Variants in MYLK observed in about 807,000 individuals in gnomAD.
The protein encoded by MYLK is myosin light chain kinase, smooth muscle.
Under a neutral mutation model 203.4 loss-of-function variants are expected in MYLK, and 106 were observed. That is an observed-to-expected ratio of 0.52 (90% confidence interval 0.45 to 0.61). The LOEUF (loss-of-function observed/expected upper bound fraction) is 0.61. MYLK is among the 20% of genes least tolerant of loss of function. The probability of loss-of-function intolerance (pLI) is 0.00; values close to 1 mark genes in which losing one functional copy is unlikely to be tolerated. For missense variants in MYLK, 2,072 were observed against 2,442.3 expected (o/e 0.85, Z 3.20); for synonymous variants, 867 against 959.5 (o/e 0.90, Z 1.78).
chr3:123,852,110 G>A (rs1268659419), intron 2 of MYLK, among the ~76,000 whole-genome samples: 1 of 152,146 alleles, frequency 6.6e-6, no homozygotes, highest in Non-Finnish European at 1.5e-5. Flanking sequence ...TGATCATGGT[G>A]GATAAGCTTT....
intron 12 of MYLK, among the ~76,000 whole-genome samples, chr3:123,723,479 C>G (rs993296152): frequency 6.6e-6 from 1 of 152,234 alleles, no homozygotes; most frequent in Non-Finnish European, 1.5e-5. Flanking sequence ...CTCCAAACCT[C>G]TCTTCCTTGA....
At chr3:123,694,248 C>T (rs535000066) in intron 18 of MYLK, among the ~76,000 whole-genome samples, 12 of 152,318 alleles carry the variant, frequency 7.9e-5, no homozygotes, top group Non-Finnish European at 1.6e-4. Context: ...TCCCCACTTC[C>T]TATACCCTTA....
At chr3:123,839,180 A>C (rs2066537353) in intron 2 of MYLK, among the ~76,000 whole-genome samples, 1 of 152,166 alleles carries the variant, frequency 6.6e-6, no homozygotes, top group East Asian at 1.9e-4. Context: ...AAGATGAAAC[A>C]AAAAATATTT....
At chr3:123,637,271 C>A (rs1440759007) in intron 29 of MYLK, among the ~76,000 whole-genome samples, 2 of 152,200 alleles carry the variant, frequency 1.3e-5, no homozygotes, top group Non-Finnish European at 2.9e-5. Context: ...ACCCCACCGA[C>A]AGAGTGTTCT....
At chr3:123,812,998 T>C (rs1173643009) in intron 3 of MYLK, among the ~76,000 whole-genome samples, 1 of 152,100 alleles carries the variant, frequency 6.6e-6, no homozygotes, top group East Asian at 1.9e-4. Flanking sequence ...ATGGTCAACT[T>C]GGCAGTCTGC....
intron 2 of MYLK, among the ~76,000 whole-genome samples, chr3:123,850,462 T>A (rs1405947333): frequency 2.0e-5 from 3 of 152,244 alleles, no homozygotes; most frequent in South Asian, 2.1e-4. Flanking sequence ...GGTATCTCAT[T>A]GCGGTTTTGA....
chr3:123,692,281 A>C (rs1576577856), intron 19 of MYLK: 3 of 1,097,376 alleles, frequency 2.7e-6, no homozygotes, highest in Non-Finnish European at 3.4e-6. Flanking sequence ...GCCCCGACTC[A>C]CCTCCTCTAG....
At chr3:123,708,289 A>G (rs1193623020) in intron 15 of MYLK, among the ~76,000 whole-genome samples, 2 of 152,212 alleles carry the variant, frequency 1.3e-5, no homozygotes, top group Non-Finnish European at 2.9e-5. Flanking sequence ...TCTGTATCCA[A>G]TGCGTGTGAT....
chr3:123,858,661 A>T (rs1193243337), intron 2 of MYLK, among the ~76,000 whole-genome samples: 1 of 152,114 alleles, frequency 6.6e-6, no homozygotes, highest in Non-Finnish European at 1.5e-5. Context: ...GAATGGATTA[A>T]TCTATTCATT....
At chr3:123,738,779 C>A (rs190982685) in intron 7 of MYLK, 118 bp downstream of exon 7, 60 of 1,346,450 alleles carry the variant, frequency 4.5e-5, no homozygotes, top group Non-Finnish European at 6.0e-5. Flanking sequence ...CCATGTGGAA[C>A]GGTGAGTCCA....
intron 3 of MYLK, among the ~76,000 whole-genome samples, chr3:123,796,753 A>G (rs747138940): frequency 4.6e-5 from 7 of 152,236 alleles, no homozygotes; most frequent in African/African-American, 7.2e-5. Context: ...TGACATTTAA[A>G]AAGAAACATA....
At chr3:123,767,606 C>CAAAACA (rs778969933) in intron 4 of MYLK, among the ~76,000 whole-genome samples, 59 of 152,224 alleles carry the variant, frequency 3.9e-4, no homozygotes, top group Non-Finnish European at 5.3e-4. Context: ...GACTCTGTCT[C>CAAAACA]AAAACAAAAA....
chr3:123,634,933 C>G (rs2058582960), intron 29 of MYLK, among the ~76,000 whole-genome samples: 1 of 152,254 alleles, frequency 6.6e-6, no homozygotes. Context: ...ACTCACACAA[C>G]CTACTATCTC....
At chr3:123,810,579 G>T (rs910057641) in intron 3 of MYLK, among the ~76,000 whole-genome samples, 5 of 152,206 alleles carry the variant, frequency 3.3e-5, no homozygotes, top group African/African-American at 1.2e-4. Context: ...CTGCCAATGG[G>T]GATGCCAGTC....
chr3:123,756,023 G>A (rs144760111), intron 4 of MYLK, among the ~76,000 whole-genome samples: 2 of 152,150 alleles, frequency 1.3e-5, no homozygotes, highest in African/African-American at 4.8e-5. Flanking sequence ...AGCTCACAAA[G>A]CCAGTCGTTT....
intron 3 of MYLK, among the ~76,000 whole-genome samples, chr3:123,809,441 G>T (rs544744482): frequency 6.6e-6 from 1 of 152,152 alleles, no homozygotes; most frequent in Non-Finnish European, 1.5e-5. Context: ...CAGGAGAATC[G>T]CTTGAACCCA....
At chr3:123,710,639 C>A (rs774099122) in intron 13 of MYLK, among the ~76,000 whole-genome samples, 16 of 152,170 alleles carry the variant, frequency 1.1e-4, no homozygotes, top group Non-Finnish European at 2.4e-4. Context: ...GCAGGTGGTA[C>A]AGAACCTTCT....
intron 4 of MYLK, among the ~76,000 whole-genome samples, chr3:123,760,332 C>A (rs984222380): frequency 2.6e-5 from 4 of 152,168 alleles, no homozygotes; most frequent in African/African-American, 9.7e-5. Context: ...GCATGCACCA[C>A]CACGCCCAGC....
rs1257618408 is a variant in MYLK, at chr3:123,612,948, G to A, written c.*1157C>T. 1.3e-5 allele frequency: 2 copies of A among 152,612 alleles called. No individual in the cohort carries two copies. The highest frequency in any genetic ancestry group is 2.9e-5 in the Non-Finnish European group (2 of 68,036). 9.5% of individuals were successfully genotyped at this position (152,612 alleles called of 1,614,324 possible). Reference sequence around the variant, plus strand: ...AAATTTAAGTGCCAATGTAGTGAAAGAAAGTTAAAAATTCCTAAAGACGCA... The same window carrying A: ...AAATTTAAGTGCCAATGTAGTGAAAAAAAGTTAAAAATTCCTAAAGACGCA... On this transcript the variant is annotated 3_prime_UTR_variant, in exon 34 of 34. Coordinates refer to ENST00000360304, the MANE Select transcript of MYLK (RefSeq NM_053025.4).
Sources: allele counts gnomAD v4.1 joint callset (sites outside exome capture counted in the v4.1 genomes callset), GRCh38; gene constraint gnomAD v4.1.1; transcripts MANE v1.5; gene names NCBI Gene and HGNC (gene_info 2026-07-23, HGNC 2026-07-21).